EYS: variants seen among roughly 807,000 people sequenced by gnomAD.
The protein encoded by EYS is protein eyes shut homolog.
Under a neutral mutation model 282.1 loss-of-function variants are expected in EYS, and 250 were observed. The observed-to-expected ratio is 0.89, with a 90% CI of 0.80 to 0.98. EYS has a LOEUF of 0.98. EYS is among the 50% of genes least tolerant of loss of function. EYS has a pLI of 0.00. For missense variants in EYS, 4,016 were observed against 3,709.0 expected (o/e 1.08, Z -2.15); for synonymous variants, 1,355 against 1,282.9 (o/e 1.06, Z -1.20).
intron 14 of EYS, among the ~76,000 whole-genome samples, chr6:64,956,107 T>A (rs942561884): frequency 3.9e-5 from 6 of 151,954 alleles, no homozygotes; most frequent in Admixed American, 1.3e-4. Context: ...AAAATGTATA[T>A]GAAACCACAA....
At chr6:64,158,027 G>A (rs998828084) in intron 31 of EYS, among the ~76,000 whole-genome samples, 2 of 152,186 alleles carry the variant, frequency 1.3e-5, no homozygotes, top group African/African-American at 4.8e-5. Context: ...AGCTGGGAGG[G>A]AGGCTGTACC....
chr6:63,876,716 A>T lies in EYS; in HGVS notation c.7056-12358T>A, dbSNP rs140050872. On this transcript the variant is annotated intron_variant, in intron 35 of 42. Coordinates refer to ENST00000503581, the MANE Select transcript of EYS (RefSeq NM_001142800.2). ...CTGTTGAATTGATCCCTTTAACATTATATAATGGCCTTCTTTGTCTCTTTT... is the reference window on the plus strand; with the variant it reads ...CTGTTGAATTGATCCCTTTAACATTTTATAATGGCCTTCTTTGTCTCTTTT... 5.6e-3 allele frequency among the ~76,000 whole-genome samples: 855 copies of T among 152,326 alleles called. 5 individuals carry two copies. The highest frequency in any genetic ancestry group is 0.019 in the African/African-American group (794 of 41,568).
At chr6:63,837,527 C>T (rs1158903523) in intron 36 of EYS, among the ~76,000 whole-genome samples, 2 of 152,068 alleles carry the variant, frequency 1.3e-5, no homozygotes, top group Non-Finnish European at 2.9e-5. Context: ...AAATGGTACT[C>T]TAACCTTCTA....
chr6:65,279,891 C>T (rs534034979), intron 12 of EYS, among the ~76,000 whole-genome samples: 1 of 152,218 alleles, frequency 6.6e-6, no homozygotes, highest in South Asian at 2.1e-4. Flanking sequence ...CATTCACCAG[C>T]CCAGAAAATA....
intron 36 of EYS, among the ~76,000 whole-genome samples, chr6:63,827,850 C>CAA (rs58843584): frequency 2.2e-4 from 19 of 85,010 alleles, no homozygotes; most frequent in African/African-American, 7.4e-4. Flanking sequence ...GACTCCGTCT[C>CAA]AAAAAAAAAA....
At chr6:64,983,636 G>A (rs566678275) in intron 14 of EYS, among the ~76,000 whole-genome samples, 2 of 151,330 alleles carry the variant, frequency 1.3e-5, no homozygotes, top group South Asian at 4.1e-4. Context: ...TTTTACTTCT[G>A]TTGTACTAGT....
chr6:65,108,235 A>G (rs1775101827), intron 12 of EYS, among the ~76,000 whole-genome samples: 1 of 152,118 alleles, frequency 6.6e-6, no homozygotes, highest in African/African-American at 2.4e-5. Context: ...TATCTCTATC[A>G]CTTCTTGGTT....
chr6:63,872,981 G>A (rs534749174), intron 35 of EYS, among the ~76,000 whole-genome samples: 35 of 150,480 alleles, frequency 2.3e-4, no homozygotes, highest in South Asian at 1.5e-3. Flanking sequence ...GAGATGCTCA[G>A]GGAGAAAAAT....
At chr6:64,385,487 T>C (rs1772878215) in intron 29 of EYS, among the ~76,000 whole-genome samples, 1 of 152,198 alleles carries the variant, frequency 6.6e-6, no homozygotes, top group Non-Finnish European at 1.5e-5. Context: ...TTGGTCCAAA[T>C]ACTGAATGTT....
chr6:65,317,399 T>C (rs1272866194), intron 11 of EYS, among the ~76,000 whole-genome samples: 1 of 152,272 alleles, frequency 6.6e-6, no homozygotes, highest in Non-Finnish European at 1.5e-5. Context: ...TTCTGTTAAA[T>C]GTGTAAACAA....
At chr6:65,409,113 T>A (rs1019206666) in intron 5 of EYS, among the ~76,000 whole-genome samples, 45 of 152,286 alleles carry the variant, frequency 3.0e-4, no homozygotes, top group African/African-American at 9.9e-4. Context: ...TAAGACTAAT[T>A]TTCTTGCCAT....
intron 2 of EYS, among the ~76,000 whole-genome samples, chr6:65,630,290 T>C (rs139801877): frequency 3.0e-4 from 45 of 152,332 alleles, no homozygotes; most frequent in African/African-American, 1.0e-3. Flanking sequence ...ATTTAGAGAC[T>C]ATCACATTAC....
At chr6:64,938,844 A>C (rs2150091656) in intron 15 of EYS, among the ~76,000 whole-genome samples, 1 of 151,830 alleles carries the variant, frequency 6.6e-6, no homozygotes, top group African/African-American at 2.4e-5. Flanking sequence ...TTGTAAGTTA[A>C]GGGATATGTG....
At chr6:65,063,370 C>G (rs1773637766) in intron 12 of EYS, among the ~76,000 whole-genome samples, 1 of 151,930 alleles carries the variant, frequency 6.6e-6, no homozygotes, top group African/African-American at 2.4e-5. Context: ...AAAAGTCTTA[C>G]TTTAACATAA....
chr6:64,584,634 T>A (rs1562075695), intron 26 of EYS, among the ~76,000 whole-genome samples: 1 of 152,080 alleles, frequency 6.6e-6, no homozygotes, highest in East Asian at 1.9e-4. Flanking sequence ...TTTGATACTC[T>A]GAGTTGCTCT....
intron 26 of EYS, among the ~76,000 whole-genome samples, chr6:64,450,713 C>T (rs1775298552): frequency 1.3e-5 from 2 of 152,120 alleles, no homozygotes; most frequent in Admixed American, 1.3e-4. Context: ...TCACTCAAAA[C>T]CACTCAACTA....
At chr6:64,779,375 G>A (rs1773786888) in intron 22 of EYS, among the ~76,000 whole-genome samples, 1 of 152,098 alleles carries the variant, frequency 6.6e-6, no homozygotes, top group Non-Finnish European at 1.5e-5. Context: ...ATGGCTAAGT[G>A]AGGAAGCCAA....
Position 64,692,977 on chromosome 6 carries a change from C to CTTTTTTT in EYS, c.3444-66739_3444-66733dup, listed in dbSNP as rs67700846. ...CTTGGGATTGGTTTGGCTGCTTGGG[C>CTTTTTTT]TTTTTTTTTTTTTTTTTTTTTTGGT... On this transcript the variant is annotated intron_variant, in intron 22 of 42. Coordinates refer to ENST00000503581, the MANE Select transcript of EYS (RefSeq NM_001142800.2). 2.8e-3 allele frequency among the ~76,000 whole-genome samples: 32 copies of CTTTTTTT among 11,498 alleles called. 10 individuals are homozygous for CTTTTTTT. Among genetic ancestry groups the CTTTTTTT allele is most frequent in the South Asian group, 0.017 (2 of 120 alleles). 7.5% of individuals were successfully genotyped at this position (11,498 alleles called of 152,430 possible).
At chr6:64,443,942 C>T (rs1241803922) in intron 26 of EYS, among the ~76,000 whole-genome samples, 1 of 152,142 alleles carries the variant, frequency 6.6e-6, no homozygotes, top group Non-Finnish European at 1.5e-5. Flanking sequence ...AGACATTTTT[C>T]TTTTTGACTT....
Sources: gnomAD v4.1 joint callset for allele counts (sites outside exome capture counted in the v4.1 genomes callset) on GRCh38, gnomAD v4.1.1 for gene constraint, MANE v1.5 for transcripts, NCBI Gene and HGNC (gene_info 2026-07-23, HGNC 2026-07-21) for gene names.